GPHN: variants seen among roughly 807,000 people sequenced by gnomAD.
The protein encoded by GPHN is gephyrin.
In GPHN, 17 loss-of-function variants were observed where a neutral mutation model predicts 95.5. The observed-to-expected ratio is 0.18, with a 90% CI of 0.12 to 0.27. The LOEUF (loss-of-function observed/expected upper bound fraction) is 0.27, where lower values mean the gene tolerates loss of function less well. Among genes scored for constraint, GPHN ranks in the 10% least tolerant of loss-of-function variants. The pLI, the probability that GPHN is intolerant of heterozygous loss-of-function variation, is 1.00. For synonymous variants in GPHN, 320 were observed against 322.5 expected, an observed-to-expected ratio of 0.99 and a Z score of 0.08; for missense variants, 660 against 978.1, an observed-to-expected ratio of 0.67 and a Z score of 4.34.
At chr14:67,245,305 GT>G in the GPHN span, among the ~76,000 whole-genome samples, 2 of 152,130 alleles carry the variant, frequency 1.3e-5, no homozygotes, top group Admixed American at 6.5e-5. Flanking sequence ...TTACATTCCT[GT>G]CAGCACTTGG....
the GPHN span, chr14:67,619,668 C>G: frequency 3.8e-6 from 1 of 261,280 alleles, no homozygotes; most frequent in South Asian, 7.6e-5. Context: ...CGCGCTCTTA[C>G]TGGCCAGACC....
At position 66,663,895 on chromosome 14, in the gene GPHN, A is replaced by G. The variant is rs559924377; in HGVS notation, c.65-17212A>G. Among the ~76,000 whole-genome samples the G allele has an allele frequency of 1.1e-4, 17 of 152,368 alleles. No homozygotes were observed. In the East Asian group the frequency reaches 1.5e-3, roughly 14 times the overall value. ...TAAAGACAAAGAAGAAGGGCATTAC[A>G]TAATGGTAAAGGGTTCAATTCAACA... is the stretch of plus-strand genomic sequence containing the variant. On this transcript the variant is annotated intron_variant, in intron 1 of 22. Transcript: ENST00000478722.
At chr14:67,215,105 C>T in the GPHN span, among the ~76,000 whole-genome samples, 1 of 152,110 alleles carries the variant, frequency 6.6e-6, no homozygotes, top group Non-Finnish European at 1.5e-5. Context: ...AATGCACACT[C>T]AGATTTGAGA....
chr14:66,510,557 G>A (rs2058004024), intron 1 of GPHN, among the ~76,000 whole-genome samples: 1 of 152,126 alleles, frequency 6.6e-6, no homozygotes, highest in Non-Finnish European at 1.5e-5. Flanking sequence ...TAATTATTGT[G>A]CAAAACTTTT....
chr14:67,192,140 C>T, the GPHN span, among the ~76,000 whole-genome samples: 3 of 152,246 alleles, frequency 2.0e-5, no homozygotes, highest in Admixed American at 2.0e-4. Context: ...CATAGCTCTG[C>T]ATCCTGCCTG....
chr14:67,379,654 C>CTTTTTTTTTTTTTTTTT, the GPHN span, among the ~76,000 whole-genome samples: 21 of 119,950 alleles, frequency 1.8e-4, no homozygotes, highest in South Asian at 1.2e-3. Context: ...TTTTCTTTTT[C>CTTTTTTTTTTTTTTTTT]TTTTTTTTTT....
At chr14:67,445,944 T>C in the GPHN span, 1 of 458,098 alleles carries the variant, frequency 2.2e-6, no homozygotes, top group Non-Finnish European at 4.4e-6. Context: ...GTGGCTAATG[T>C]CAAGTCCTTT....
chr14:66,557,237 G>GTAGA (rs201752462), intron 1 of GPHN, among the ~76,000 whole-genome samples: 20,707 of 141,852 alleles, frequency 0.15, 1,702 homozygotes, highest in Non-Finnish European at 0.19. Context: ...ACATAGGTAG[G>GTAGA]TAGATAGATA....
At chr14:67,581,813 C>A in the GPHN span, 1 of 423,368 alleles carries the variant, frequency 2.4e-6, no homozygotes, top group Non-Finnish European at 4.3e-6. Flanking sequence ...ACCAGATTTC[C>A]CTTACTAAAT....
chr14:66,824,125 A>G (rs2061308971), intron 3 of GPHN, among the ~76,000 whole-genome samples: 1 of 152,188 alleles, frequency 6.6e-6, no homozygotes, highest in Non-Finnish European at 1.5e-5. Context: ...ATGACATGTA[A>G]TTCTAATCTC....
At chr14:67,096,954 A>G (rs540030289) in intron 12 of GPHN, among the ~76,000 whole-genome samples, 35 of 152,312 alleles carry the variant, frequency 2.3e-4, no homozygotes, top group African/African-American at 8.2e-4. Context: ...AGCAAAAAGT[A>G]TATATAACAA....
chr14:67,200,200 C>A, the GPHN span: 1 of 1,127,794 alleles, frequency 8.9e-7, no homozygotes, highest in Non-Finnish European at 1.2e-6. Context: ...TCCACTGATG[C>A]CCCCCATGGA....
At chr14:66,770,921 C>A (rs540896631) in intron 2 of GPHN, among the ~76,000 whole-genome samples, 39 of 152,194 alleles carry the variant, frequency 2.6e-4, no homozygotes, top group Non-Finnish European at 4.7e-4. Flanking sequence ...GAGTTTAGTA[C>A]ATTTTCAGTT....
the GPHN span, among the ~76,000 whole-genome samples, chr14:67,251,347 A>G: frequency 1.3e-5 from 2 of 152,204 alleles, no homozygotes; most frequent in East Asian, 3.9e-4. Context: ...AACCTGGGCA[A>G]CACAGTGGGA....
intron 9 of GPHN, among the ~76,000 whole-genome samples, chr14:66,981,767 A>T (rs1454815108): frequency 6.6e-6 from 1 of 152,168 alleles, no homozygotes; most frequent in Non-Finnish European, 1.5e-5. Flanking sequence ...ACTGATACAA[A>T]ATGTATTATG....
chr14:66,958,897 G>T (rs1036611974), intron 8 of GPHN, among the ~76,000 whole-genome samples: 2 of 151,842 alleles, frequency 1.3e-5, no homozygotes, highest in African/African-American at 4.8e-5. Context: ...TATCATTTTT[G>T]TTTTTTATCT....
chr14:66,604,332 G>A (rs528808796), intron 1 of GPHN, among the ~76,000 whole-genome samples: 3 of 152,154 alleles, frequency 2.0e-5, no homozygotes, highest in Non-Finnish European at 2.9e-5. Flanking sequence ...ATTTTCCAAA[G>A]TTATTCTCTT....
At chr14:67,391,623 C>T in the GPHN span, among the ~76,000 whole-genome samples, 1 of 152,178 alleles carries the variant, frequency 6.6e-6, no homozygotes, top group Non-Finnish European at 1.5e-5. Context: ...TGCAGACACA[C>T]ACATTCACAT....
chr14:66,892,322 A>G (rs1005344155), intron 5 of GPHN, among the ~76,000 whole-genome samples: 3 of 152,120 alleles, frequency 2.0e-5, no homozygotes, highest in African/African-American at 7.2e-5. Context: ...ACTCAGGAGG[A>G]TGAGGGAGGA....
Sources: gnomAD v4.1 joint callset for allele counts (sites outside exome capture counted in the v4.1 genomes callset) on GRCh38, gnomAD v4.1.1 for gene constraint, MANE v1.5 for transcripts, NCBI Gene and HGNC (gene_info 2026-07-23, HGNC 2026-07-21) for gene names.